Variants in NCOA7 observed in about 807,000 individuals in gnomAD.
NCOA7 encodes 140 kDa estrogen receptor-associated protein.
A neutral mutation model predicts 104.3 loss-of-function variants in NCOA7; 45 were observed. The ratio of observed to expected loss-of-function variants is 0.43; its 90% CI spans 0.34 to 0.55. NCOA7 has a LOEUF of 0.55. Among genes scored for constraint, NCOA7 ranks in the 20% least tolerant of loss-of-function variants. The pLI is 0.02. For synonymous variants in NCOA7, 398 were observed against 402.3 expected, an observed-to-expected ratio of 0.99 and a Z score of 0.13; for missense variants, 1,041 against 1,119.7, an observed-to-expected ratio of 0.93 and a Z score of 1.00.
chr6:125,918,798 A>G (rs1170667272), intron 11 of NCOA7, among the ~76,000 whole-genome samples: 1 of 152,186 alleles, frequency 6.6e-6, no homozygotes, highest in South Asian at 2.1e-4. Flanking sequence ...ATGACATAGT[A>G]TTGAAGTGAA....
At chr6:125,841,186 GGCC>G (rs67141777) in intron 2 of NCOA7, among the ~76,000 whole-genome samples, 5,445 of 151,816 alleles carry the variant, frequency 0.036, 319 homozygotes, top group African/African-American at 0.12. Context: ...CACCGCGCCT[GGCC>G]TACCTTTTAT....
chr6:125,849,012 A>G (rs1780875539), intron 2 of NCOA7, among the ~76,000 whole-genome samples: 1 of 152,184 alleles, frequency 6.6e-6, no homozygotes, highest in South Asian at 2.1e-4. Flanking sequence ...ATATCTCAGA[A>G]CATGGGCTCA....
intron 2 of NCOA7, among the ~76,000 whole-genome samples, chr6:125,825,447 AT>A (rs375512012): frequency 6.6e-6 from 1 of 152,236 alleles, no homozygotes; most frequent in African/African-American, 2.4e-5. Flanking sequence ...GAGTGAAGTT[AT>A]TAATCATTCC....
chr6:125,785,561 C>T (rs901436350), intron 1 of NCOA7, among the ~76,000 whole-genome samples: 1 of 151,150 alleles, frequency 6.6e-6, no homozygotes, highest in Non-Finnish European at 1.5e-5. Flanking sequence ...TTTCTTTTAC[C>T]CAGTAATACA....
chr6:125,885,010 TG>T, intron 7 of NCOA7, 148 bp from the exon 8 acceptor site: 1 of 784,780 alleles, frequency 1.3e-6, no homozygotes, highest in Non-Finnish European at 2.0e-6. Context: ...CCTGTTTTTC[TG>T]GTCCTCACAA....
At chr6:125,894,130 A>G (rs1256328414) in intron 10 of NCOA7, among the ~76,000 whole-genome samples, 3 of 145,508 alleles carry the variant, frequency 2.1e-5, no homozygotes, top group Non-Finnish European at 4.5e-5. Flanking sequence ...CAACCTTAAC[A>G]CTATTGACAT....
intron 8 of NCOA7, among the ~76,000 whole-genome samples, chr6:125,887,459 A>G (rs1784344119): frequency 1.3e-5 from 2 of 152,230 alleles, no homozygotes; most frequent in African/African-American, 4.8e-5. Context: ...TCACAGTTGT[A>G]TTTCAGAATA....
intron 1 of NCOA7, among the ~76,000 whole-genome samples, chr6:125,812,782 A>G (rs1470794334): frequency 6.6e-6 from 1 of 151,986 alleles, no homozygotes; most frequent in Non-Finnish European, 1.5e-5. Context: ...TGCCCTTTTC[A>G]TGTATATTGT....
At chr6:125,907,635 C>T (rs1583516795) in intron 10 of NCOA7, among the ~76,000 whole-genome samples, 2 of 152,260 alleles carry the variant, frequency 1.3e-5, no homozygotes, top group African/African-American at 4.8e-5. Context: ...CTAAAATGTT[C>T]CCCACCTCCT....
intron 10 of NCOA7, chr6:125,913,713 GA>G (rs1349760658): frequency 7.6e-6 from 7 of 917,044 alleles, no homozygotes; most frequent in Non-Finnish European, 7.8e-6. Flanking sequence ...TACTGTGGGG[GA>G]AAAGACATGA....
At chr6:125,846,249 C>G (rs1400405323) in intron 2 of NCOA7, among the ~76,000 whole-genome samples, 1 of 151,050 alleles carries the variant, frequency 6.6e-6, no homozygotes, top group African/African-American at 2.4e-5. Flanking sequence ...TTTTCCAGGG[C>G]TAGAAATTCT....
intron 11 of NCOA7, 105 bp downstream of exon 11, chr6:125,915,585 G>A: frequency 1.5e-6 from 2 of 1,376,474 alleles, no homozygotes; most frequent in South Asian, 1.3e-5. Flanking sequence ...GAGTCCCTGT[G>A]CACCTATGAA....
chr6:125,922,116 C>T (rs1468375785), intron 12 of NCOA7, among the ~76,000 whole-genome samples: 1 of 152,162 alleles, frequency 6.6e-6, no homozygotes, highest in Non-Finnish European at 1.5e-5. Flanking sequence ...ACTTCATGGC[C>T]TCCTTTGGTA....
intron 1 of NCOA7, among the ~76,000 whole-genome samples, chr6:125,782,154 A>G (rs1774256761): frequency 1.3e-5 from 2 of 152,358 alleles, no homozygotes; most frequent in South Asian, 4.1e-4. Flanking sequence ...ATTGGGTTAA[A>G]TAAAATATTA....
chr6:125,919,397 A>G (rs768543804), intron 11 of NCOA7: 13 of 1,612,652 alleles, frequency 8.1e-6, no homozygotes, highest in Middle Eastern at 1.6e-4. Context: ...CAGATTTTCT[A>G]TTGTGCCAGA....
At chr6:125,850,663 G>T (rs1781036970) in intron 2 of NCOA7, among the ~76,000 whole-genome samples, 1 of 152,198 alleles carries the variant, frequency 6.6e-6, no homozygotes, top group African/African-American at 2.4e-5. Context: ...AAAAGATTAA[G>T]AAGCAGCATA....
chr6:125,885,370 A>T (rs761853674), intron 8 of NCOA7, 27 bp downstream of exon 8: 7 of 1,608,868 alleles, frequency 4.4e-6, no homozygotes, highest in Non-Finnish European at 6.0e-6. Context: ...TTTACCAGGA[A>T]AAAAGGGGTG....
intron 1 of NCOA7, among the ~76,000 whole-genome samples, chr6:125,807,999 A>C (rs1278255247): frequency 1.3e-5 from 2 of 152,206 alleles, no homozygotes; most frequent in Admixed American, 6.5e-5. Context: ...TCTTAAGTGC[A>C]GTTACATGTG....
At chr6:125,908,881 C>T (rs948944450) in intron 10 of NCOA7, among the ~76,000 whole-genome samples, 3 of 152,248 alleles carry the variant, frequency 2.0e-5, no homozygotes, top group Non-Finnish European at 4.4e-5. Flanking sequence ...TCACACTTTA[C>T]GTTTTCTTGC....
Sources: allele counts gnomAD v4.1 joint callset (sites outside exome capture counted in the v4.1 genomes callset), GRCh38; gene constraint gnomAD v4.1.1; transcripts MANE v1.5; gene names NCBI Gene and HGNC (gene_info 2026-07-23, HGNC 2026-07-21).